The following METAP1 variants were observed in gnomAD, a reference collection of about 807,000 sequenced individuals.
METAP1 encodes the protein methionine aminopeptidase 1.
METAP1 carries 28 observed loss-of-function variants against 53.8 expected under a neutral mutation model. That is an observed-to-expected ratio of 0.52 (90% CI 0.39 to 0.71). The LOEUF is 0.71. Ranked by LOEUF, METAP1 falls within the 30% of genes least tolerant of loss-of-function variation. The pLI, the probability that METAP1 is intolerant of heterozygous loss-of-function variation, is 0.00. For synonymous variants in METAP1, 181 were observed against 165.7 expected (o/e 1.09, Z -0.71); for missense variants, 389 against 479.8 (o/e 0.81, Z 1.77).
Position 99,061,155 on chromosome 4 carries a change from C to T in METAP1, c.999C>T (p.Gly333=), listed in dbSNP as rs200940950. 2.2e-5 allele frequency: 35 copies of T among 1,609,848 alleles called. No homozygotes were observed. Among genetic ancestry groups the T allele is most frequent in the East Asian group, 4.5e-5 (2 of 44,666 alleles). ...VFTIEPMICE[G]GWQDETWPDG... is the part of the protein sequence containing the mutation. Reference sequence around the variant, plus strand: ...AGAAATTGTTTTTGTTTGTTGAAGGCGGATGGCAGGATGAAACCTGGCCAG... The same window carrying T: ...AGAAATTGTTTTTGTTTGTTGAAGGTGGATGGCAGGATGAAACCTGGCCAG... The change falls in exon 11 of 11, where the codon GGC becomes GGT. Residue 333 remains glycine, a splice_region_variant and synonymous_variant. Transcript: ENST00000296411.
At chr4:99,007,902 C>T (rs1285363348) in intron 1 of METAP1, among the ~76,000 whole-genome samples, 1 of 152,180 alleles carries the variant, frequency 6.6e-6, no homozygotes, top group African/African-American at 2.4e-5. Context: ...TTCTAAGCAG[C>T]CCTGGTTTCT....
At chr4:99,036,268 T>G (rs929001587) in intron 4 of METAP1, among the ~76,000 whole-genome samples, 3 of 152,146 alleles carry the variant, frequency 2.0e-5, no homozygotes, top group African/African-American at 7.2e-5. Context: ...TTACATAACA[T>G]TCTTATGAAT....
At chr4:99,002,785 C>G (rs1233496251) in intron 1 of METAP1, among the ~76,000 whole-genome samples, 2 of 152,136 alleles carry the variant, frequency 1.3e-5, no homozygotes, top group African/African-American at 4.8e-5. Context: ...TTCTAAAAAC[C>G]CTGTTAAGGC....
intron 1 of METAP1, chr4:99,023,536 A>C: frequency 1.0e-6 from 1 of 985,358 alleles, no homozygotes; most frequent in Non-Finnish European, 1.2e-6. Flanking sequence ...AATTGATGTT[A>C]GATTTGAGAT....
rs1286123670 is a variant in METAP1 at position 99,034,360 on chromosome 4, T to TAA, written c.279+22_279+23dup. 3.0e-6 allele frequency: 4 copies of TAA among 1,354,632 alleles called. No individual in the cohort carries two copies. In the African/African-American group the frequency reaches 5.8e-5, roughly 20 times the overall value. 83.9% of individuals were successfully genotyped at this position (1,354,632 alleles called of 1,614,324 possible). A position where few individuals can be genotyped will look rare whatever the true frequency, so the allele number is the denominator to read the frequency against. On this transcript the variant is annotated intron_variant, in intron 3 of 10. Transcript: ENST00000296411. The stretch of plus-strand genomic sequence containing the variant: ...ATCCACTGGTGAGTAAATAAGGTAA[T>TAA]AAAAACAACATTCCAATTTTGAATT...
chr4:99,041,174 A>G (rs1725838754), intron 6 of METAP1, 48 bp downstream of exon 6: 2 of 1,282,026 alleles, frequency 1.6e-6, no homozygotes, highest in Admixed American at 2.0e-5. Flanking sequence ...ACATTACTAG[A>G]TGCTTTGAAC....
At chr4:99,014,787 A>G (rs1178108049) in intron 1 of METAP1, among the ~76,000 whole-genome samples, 1 of 152,174 alleles carries the variant, frequency 6.6e-6, no homozygotes, top group Non-Finnish European at 1.5e-5. Flanking sequence ...CATTACCACC[A>G]TATGTCCCAC....
At chr4:99,035,764 A>G (rs1210528359) in intron 4 of METAP1, among the ~76,000 whole-genome samples, 1 of 152,102 alleles carries the variant, frequency 6.6e-6, no homozygotes, top group Non-Finnish European at 1.5e-5. Flanking sequence ...CCTCCTATCT[A>G]AATTAAACAA....
chr4:99,031,073 A>G (rs1461142524), intron 2 of METAP1, among the ~76,000 whole-genome samples: 1 of 149,012 alleles, frequency 6.7e-6, no homozygotes, highest in Non-Finnish European at 1.5e-5. Flanking sequence ...GAAATTTTCA[A>G]GTGAGTTAAA....
At chr4:99,059,363 C>T (rs1048600964) in intron 10 of METAP1, among the ~76,000 whole-genome samples, 6 of 152,156 alleles carry the variant, frequency 3.9e-5, no homozygotes, top group Non-Finnish European at 8.8e-5. Flanking sequence ...TGTGTAAAGG[C>T]CATTACATTG....
At chr4:98,998,009 C>T (rs1456842109) in intron 1 of METAP1, among the ~76,000 whole-genome samples, 2 of 152,210 alleles carry the variant, frequency 1.3e-5, no homozygotes, top group South Asian at 2.1e-4. Context: ...TTATTTTTCC[C>T]GCAGTCTGAT....
In METAP1 at chr4:99,020,577, A is replaced by T. The variant is rs111368547; in HGVS notation, c.115-8290A>T. Among the ~76,000 whole-genome samples the T allele has an allele frequency of 2.7e-3, 409 of 152,178 alleles. 4 individuals are homozygous for T. The highest frequency in any genetic ancestry group is 9.3e-3 in the African/African-American group (387 of 41,532). On this transcript the variant is annotated intron_variant, in intron 1 of 10. Coordinates refer to ENST00000296411, the MANE Select transcript of METAP1 (RefSeq NM_015143.3). ...GAGGCGGGACTAGAAAAGGAGGAAG[A>T]TGGTTTAGGGGATCCCACTGGATAT...
At chr4:99,004,464 CACACACACACACACACACAT>C (rs1354530879) in intron 1 of METAP1, among the ~76,000 whole-genome samples, 2,371 of 32,752 alleles carry the variant, frequency 0.072, 52 homozygotes, top group African/African-American at 0.17. Flanking sequence ...CACACACACA[CACACACACACACACACACAT>C]ACACACACAC....
chr4:99,057,606 CTG>C, intron 9 of METAP1, 145 bp from the exon 10 acceptor site: 1 of 635,498 alleles, frequency 1.6e-6, no homozygotes, highest in Non-Finnish European at 2.7e-6. Context: ...AGTATAATAC[CTG>C]TTTGTTGAAC....
chr4:99,015,959 C>G lies in METAP1; in HGVS notation c.115-12908C>G, dbSNP rs78734214. Among the ~76,000 whole-genome samples, 1,179 of 152,254 alleles carry G rather than the reference C, an allele frequency of 7.7e-3. 16 individuals carry two copies. Among genetic ancestry groups the G allele is most frequent in the Non-Finnish European group, 9.3e-3 (633 of 68,030 alleles). On this transcript the variant is annotated intron_variant, in intron 1 of 10. Transcript: ENST00000296411. ...TGAGGGTGTCGACGCTTTCTTGACT[C>G]GAGTGTGATGGGTCCACCCCTTCTC...
intron 2 of METAP1, among the ~76,000 whole-genome samples, chr4:99,033,447 T>C (rs555602081): frequency 9.2e-5 from 14 of 152,300 alleles, no homozygotes; most frequent in African/African-American, 2.9e-4. Context: ...TATTTTACTA[T>C]GTGAATAAGA....
chr4:98,998,644 G>A (rs1160287784), intron 1 of METAP1, among the ~76,000 whole-genome samples: 3 of 152,210 alleles, frequency 2.0e-5, no homozygotes, highest in Non-Finnish European at 4.4e-5. Flanking sequence ...TGGCCTGGCT[G>A]TCTGGCCAGC....
intron 2 of METAP1, chr4:99,031,580 C>G (rs1366171367): frequency 1.6e-6 from 2 of 1,287,460 alleles, no homozygotes; most frequent in Non-Finnish European, 2.0e-6. Context: ...TAAGTCTCAC[C>G]TCCAAGATGC....
At chr4:99,010,804 G>T (rs1454062386) in intron 1 of METAP1, among the ~76,000 whole-genome samples, 2 of 152,120 alleles carry the variant, frequency 1.3e-5, no homozygotes, top group Non-Finnish European at 2.9e-5. Flanking sequence ...ATGAACATGG[G>T]ATGTCTCTCT....
Sources: gnomAD v4.1 joint callset for allele counts (sites outside exome capture counted in the v4.1 genomes callset) on GRCh38, gnomAD v4.1.1 for gene constraint, MANE v1.5 for transcripts, NCBI Gene and HGNC (gene_info 2026-07-23, HGNC 2026-07-21) for gene names.